ADGRG6: variants seen among roughly 807,000 people sequenced by gnomAD.
ADGRG6 encodes the protein G-protein coupled receptor 126.
In ADGRG6, 84 loss-of-function variants were observed where a neutral mutation model predicts 142.4. The observed-to-expected ratio is 0.59, with a 90% CI of 0.49 to 0.71. ADGRG6 has a LOEUF of 0.71. ADGRG6 is among the 30% of genes least tolerant of loss of function. ADGRG6 has a pLI of 0.00. For synonymous variants in ADGRG6, 521 were observed against 520.5 expected, an observed-to-expected ratio of 1.00 and a Z score of -0.01; for missense variants, 1,367 against 1,466.6, an observed-to-expected ratio of 0.93 and a Z score of 1.11.
chr6:142,443,079 A>G (rs1400937836), intron 24 of ADGRG6, among the ~76,000 whole-genome samples: 1 of 152,180 alleles, frequency 6.6e-6, no homozygotes, highest in Non-Finnish European at 1.5e-5. Flanking sequence ...TGGCTCTGCT[A>G]CATTCAAGAA....
intron 22 of ADGRG6, among the ~76,000 whole-genome samples, chr6:142,422,045 G>A (rs1776675648): frequency 6.6e-6 from 1 of 152,124 alleles, no homozygotes; most frequent in Admixed American, 6.6e-5. Context: ...TTTGTTGTTA[G>A]CAGTATATGC....
chr6:142,389,902 A>C (rs915085589), intron 6 of ADGRG6, among the ~76,000 whole-genome samples: 10 of 151,902 alleles, frequency 6.6e-5, no homozygotes, highest in African/African-American at 2.4e-4. Context: ...CACAGAAAGC[A>C]TAATGCCTGT....
intron 6 of ADGRG6, among the ~76,000 whole-genome samples, chr6:142,385,174 G>C (rs1781964894): frequency 6.6e-6 from 1 of 152,116 alleles, no homozygotes; most frequent in Non-Finnish European, 1.5e-5. Context: ...TGGTGGAGTG[G>C]AGCTGTATTC....
At chr6:142,432,056 A>C (rs1050523357) in intron 22 of ADGRG6, among the ~76,000 whole-genome samples, 1 of 151,992 alleles carries the variant, frequency 6.6e-6, no homozygotes, top group Middle Eastern at 3.2e-3. Flanking sequence ...ATGGAGGAAA[A>C]ACAAAAACAA....
chr6:142,388,797 G>T (rs764770015), intron 6 of ADGRG6, among the ~76,000 whole-genome samples: 2 of 151,974 alleles, frequency 1.3e-5, no homozygotes, highest in Non-Finnish European at 2.9e-5. Context: ...GAATGATCTT[G>T]AACTGTAAGT....
chr6:142,428,200 T>A (rs1373929094), intron 22 of ADGRG6, among the ~76,000 whole-genome samples: 1 of 152,182 alleles, frequency 6.6e-6, no homozygotes, highest in Non-Finnish European at 1.5e-5. Flanking sequence ...AGAGTCTATC[T>A]ATAAAATTTT....
intron 7 of ADGRG6, among the ~76,000 whole-genome samples, chr6:142,392,219 T>C (rs1327131928): frequency 6.6e-6 from 1 of 151,936 alleles, no homozygotes; most frequent in East Asian, 1.9e-4. Flanking sequence ...AAATCACTAT[T>C]CGGAGATGAT....
chr6:142,426,264 A>G (rs1289836895), intron 22 of ADGRG6, among the ~76,000 whole-genome samples: 2 of 152,196 alleles, frequency 1.3e-5, no homozygotes, highest in African/African-American at 2.4e-5. Flanking sequence ...TACTTCCTAG[A>G]TACAATGGGG....
chr6:142,432,281 G>T (rs1295946784), intron 22 of ADGRG6, among the ~76,000 whole-genome samples: 1 of 152,088 alleles, frequency 6.6e-6, no homozygotes, highest in Non-Finnish European at 1.5e-5. Context: ...TGTCCTGGAG[G>T]AATTTTGGTA....
At chr6:142,315,894 G>A (rs989271807) in intron 2 of ADGRG6, among the ~76,000 whole-genome samples, 15 of 151,924 alleles carry the variant, frequency 9.9e-5, no homozygotes, top group Non-Finnish European at 1.3e-4. Flanking sequence ...GGCAGCACAT[G>A]GATGGTAGCT....
At chr6:142,391,923 C>T (rs763179185) in intron 7 of ADGRG6, among the ~76,000 whole-genome samples, 7 of 151,672 alleles carry the variant, frequency 4.6e-5, no homozygotes, top group Admixed American at 1.3e-4. Flanking sequence ...AAAGTTTGTG[C>T]TAGATAAGGT....
chr6:142,421,360 A>G (rs1197153226), intron 22 of ADGRG6, among the ~76,000 whole-genome samples: 2 of 152,212 alleles, frequency 1.3e-5, no homozygotes. Context: ...CAAAGGAAGT[A>G]TGTAGGCTCA....
At position 142,388,606 on chromosome 6, in the gene ADGRG6, A is replaced by G. The variant is rs575145275; in HGVS notation, c.1223-1652A>G. Reference sequence around the variant, plus strand: ...AACCCACCTTAAACACGTTCAGAACACTTACCTTAGCCTACAGCTGGGCAA... The same window carrying G: ...AACCCACCTTAAACACGTTCAGAACGCTTACCTTAGCCTACAGCTGGGCAA... On this transcript the variant is annotated intron_variant, in intron 6 of 24. Coordinates refer to ENST00000367609, the MANE Select transcript of ADGRG6 (RefSeq NM_198569.3). Among the ~76,000 whole-genome samples, 199 of 152,256 alleles carry G rather than the reference A, an allele frequency of 1.3e-3. 1 individual carries two copies. The highest frequency in any genetic ancestry group is 4.5e-3 in the African/African-American group (187 of 41,584).
intron 14 of ADGRG6, chr6:142,405,261 T>A (rs1382307424): frequency 2.3e-6 from 1 of 443,744 alleles, no homozygotes; most frequent in Non-Finnish European, 4.5e-6. Context: ...AGAGTGTTCA[T>A]AAAATTTTAA....
At chr6:142,382,583 T>C (rs1781822885) in intron 5 of ADGRG6, among the ~76,000 whole-genome samples, 1 of 152,222 alleles carries the variant, frequency 6.6e-6, no homozygotes, top group Admixed American at 6.5e-5. Context: ...ATGTACTAAA[T>C]AGCTGCATGC....
At chr6:142,426,734 G>T (rs916420262) in intron 22 of ADGRG6, among the ~76,000 whole-genome samples, 1 of 152,170 alleles carries the variant, frequency 6.6e-6, no homozygotes, top group African/African-American at 2.4e-5. Flanking sequence ...GCAAACTTTT[G>T]TCTGGGCATC....
At chr6:142,421,247 G>A (rs1776640221) in intron 22 of ADGRG6, among the ~76,000 whole-genome samples, 1 of 152,172 alleles carries the variant, frequency 6.6e-6, no homozygotes. Context: ...TTGCTAGATG[G>A]AGAAAGAGGC....
intron 2 of ADGRG6, among the ~76,000 whole-genome samples, chr6:142,351,072 A>G (rs1001454500): frequency 1.3e-5 from 2 of 151,910 alleles, no homozygotes; most frequent in African/African-American, 4.8e-5. Context: ...CGTCTCTACT[A>G]AAAAAGAAAA....
At chr6:142,414,832 T>G in intron 18 of ADGRG6, 137 bp from the exon 19 acceptor site, 1 of 493,070 alleles carries the variant, frequency 2.0e-6, no homozygotes, top group Non-Finnish European at 3.4e-6. Context: ...AATGGAAATT[T>G]TAATATTGAT....
Sources: allele counts gnomAD v4.1 joint callset (sites outside exome capture counted in the v4.1 genomes callset), GRCh38; gene constraint gnomAD v4.1.1; transcripts MANE v1.5; gene names NCBI Gene and HGNC (gene_info 2026-07-23, HGNC 2026-07-21).